Variants in NEK10 observed in about 807,000 individuals in gnomAD.
NEK10 encodes serine/threonine-protein kinase Nek10.
NEK10 carries 122 observed loss-of-function variants against 159.8 expected under a neutral mutation model. The observed-to-expected ratio is 0.76, with a 90% CI of 0.66 to 0.89. NEK10 has a LOEUF of 0.89. NEK10 is among the 40% of genes least tolerant of loss of function. NEK10 has a pLI of 0.00. For missense variants in NEK10, 1,342 were observed against 1,323.1 expected (o/e 1.01, Z -0.22); for synonymous variants, 466 against 457.1 (o/e 1.02, Z -0.25).
chr3:27,174,123 A>G (rs1947277848), intron 28 of NEK10, among the ~76,000 whole-genome samples: 1 of 152,214 alleles, frequency 6.6e-6, no homozygotes, highest in African/African-American at 2.4e-5. Context: ...ACAGGCTCAT[A>G]AAAGGTCATG....
chr3:27,115,550 G>T (rs1940277424), intron 35 of NEK10, among the ~76,000 whole-genome samples: 1 of 152,110 alleles, frequency 6.6e-6, no homozygotes, highest in South Asian at 2.1e-4. Context: ...TTTGTCCCTA[G>T]CCTTCTGTGC....
At chr3:27,210,406 C>G (rs1233994694) in intron 23 of NEK10, among the ~76,000 whole-genome samples, 1 of 152,104 alleles carries the variant, frequency 6.6e-6, no homozygotes, top group Non-Finnish European at 1.5e-5. Context: ...CATAAGGGCT[C>G]TTCTCTCATG....
intron 23 of NEK10, among the ~76,000 whole-genome samples, chr3:27,242,786 AGAT>A (rs1954696601): frequency 6.6e-6 from 1 of 152,242 alleles, no homozygotes; most frequent in South Asian, 2.1e-4. Context: ...ACTGAGGAAT[AGAT>A]GTGGCCTTCC....
In NEK10 at chr3:27,180,874, T is replaced by G. The variant is rs1370889409; in HGVS notation, c.2506-6041A>C. Among the ~76,000 whole-genome samples the G allele has an allele frequency of 2.0e-5, 3 of 152,094 alleles. No homozygotes were observed. In the East Asian group the frequency reaches 5.8e-4, roughly 29 times the overall value. On this transcript the variant is annotated intron_variant, in intron 26 of 35. Transcript: ENST00000691995. ...CTACTCAGCGGCCACCTATATCATTTTAAAGCCTAGTGGTGCCACCTTGGC... is the reference window on the plus strand; with the variant it reads ...CTACTCAGCGGCCACCTATATCATTGTAAAGCCTAGTGGTGCCACCTTGGC...
At chr3:27,172,500 A>G (rs1230744709) in intron 28 of NEK10, among the ~76,000 whole-genome samples, 1 of 152,134 alleles carries the variant, frequency 6.6e-6, no homozygotes, top group Non-Finnish European at 1.5e-5. Context: ...TCTCGTGTTT[A>G]TTGCAGCACT....
At chr3:27,295,935 A>C (rs1024510749) in intron 14 of NEK10, among the ~76,000 whole-genome samples, 9 of 152,204 alleles carry the variant, frequency 5.9e-5, no homozygotes, top group Admixed American at 5.9e-4. Flanking sequence ...AATAAAGTAC[A>C]TAAACGTAAA....
chr3:27,228,547 A>G (rs146173071), intron 23 of NEK10, among the ~76,000 whole-genome samples: 12 of 152,254 alleles, frequency 7.9e-5, no homozygotes, highest in African/African-American at 2.9e-4. Context: ...CAATATTTGA[A>G]AGCTGCATAA....
intron 23 of NEK10, among the ~76,000 whole-genome samples, chr3:27,230,322 A>T (rs1005562111): frequency 3.3e-5 from 5 of 152,128 alleles, no homozygotes. Context: ...ACAAATGCTG[A>T]GGGAATTTGC....
intron 29 of NEK10, among the ~76,000 whole-genome samples, chr3:27,163,644 G>T (rs73036931): frequency 6.6e-6 from 1 of 152,036 alleles, no homozygotes; most frequent in Admixed American, 6.6e-5. Flanking sequence ...GAGCCACCAC[G>T]CCCGGCCTAG....
intron 32 of NEK10, among the ~76,000 whole-genome samples, chr3:27,128,793 T>A (rs1942274422): frequency 1.3e-5 from 2 of 152,146 alleles, no homozygotes; most frequent in African/African-American, 4.8e-5. Context: ...CTCTCAGTAG[T>A]CCTTGACACC....
intron 33 of NEK10, among the ~76,000 whole-genome samples, chr3:27,116,397 G>C (rs1008568124): frequency 2.0e-5 from 3 of 152,116 alleles, no homozygotes; most frequent in Non-Finnish European, 4.4e-5. Flanking sequence ...AATAAAGTTA[G>C]AGGTGTGTGT....
At chr3:27,125,393 C>G (rs771332730) in intron 32 of NEK10, among the ~76,000 whole-genome samples, 1 of 152,022 alleles carries the variant, frequency 6.6e-6, no homozygotes, top group Non-Finnish European at 1.5e-5. Flanking sequence ...GGAAACTGAG[C>G]CAAACATAAA....
At chr3:27,137,169 G>C (rs1943303063) in intron 31 of NEK10, among the ~76,000 whole-genome samples, 1 of 151,996 alleles carries the variant, frequency 6.6e-6, no homozygotes, top group Non-Finnish European at 1.5e-5. Flanking sequence ...ATAAACTTTA[G>C]AGTATTCTGG....
Position 27,284,929 on chromosome 3 carries a change from C to G in NEK10, c.1822G>C (p.Glu608Gln). The G allele has an allele frequency of 1.2e-6, 2 of 1,607,008 alleles. No homozygotes were observed. Among genetic ancestry groups the G allele is most frequent in the Non-Finnish European group, 1.7e-6 (2 of 1,174,312 alleles). ...DRLYIVMELI[E>Q]GAPLGEHFSS... Reference sequence around the variant, plus strand: ...AAATGCTCTCCAAGCGGGGCTCCTTCTATCAGCTCCATAACTATGTACAAC... The same window carrying G: ...AAATGCTCTCCAAGCGGGGCTCCTTGTATCAGCTCCATAACTATGTACAAC... Residue 608 changes from glutamate to glutamine, a missense_variant, in exon 21 of 36, where the codon GAA becomes CAA. Coordinates refer to ENST00000691995, the MANE Select transcript of NEK10 (RefSeq NM_001394966.1).
intron 32 of NEK10, among the ~76,000 whole-genome samples, chr3:27,121,113 C>T (rs1439008357): frequency 2.6e-5 from 4 of 152,064 alleles, no homozygotes; most frequent in Non-Finnish European, 5.9e-5. Context: ...GCATATGTCC[C>T]ATCAAAAGAC....
At chr3:27,171,454 T>C (rs1195940505) in intron 29 of NEK10, among the ~76,000 whole-genome samples, 3 of 151,884 alleles carry the variant, frequency 2.0e-5, no homozygotes, top group African/African-American at 7.3e-5. Flanking sequence ...GTCATATTGG[T>C]CAAAAAGATG....
intron 32 of NEK10, among the ~76,000 whole-genome samples, chr3:27,122,338 C>T (rs1381004740): frequency 2.0e-5 from 3 of 152,132 alleles, no homozygotes; most frequent in Non-Finnish European, 4.4e-5. Context: ...GTCAATTAAG[C>T]CTTTTTGCTT....
chr3:27,157,177 G>C (rs983357857), intron 30 of NEK10, among the ~76,000 whole-genome samples: 1 of 151,420 alleles, frequency 6.6e-6, no homozygotes, highest in Non-Finnish European at 1.5e-5. Flanking sequence ...TGGGGACTTG[G>C]GGGGAAGAGT....
intron 3 of NEK10, among the ~76,000 whole-genome samples, chr3:27,351,945 C>T (rs140526534): frequency 3.3e-5 from 5 of 151,906 alleles, no homozygotes; most frequent in African/African-American, 1.2e-4. Context: ...GCAGAAGTAC[C>T]ATTTTTTCTC....
Sources: allele counts gnomAD v4.1 joint callset (sites outside exome capture counted in the v4.1 genomes callset), GRCh38; gene constraint gnomAD v4.1.1; transcripts MANE v1.5; gene names NCBI Gene and HGNC (gene_info 2026-07-23, HGNC 2026-07-21).